Variants in STXBP2 observed in about 807,000 individuals in gnomAD.
STXBP2 encodes syntaxin binding protein 2.
A neutral mutation model predicts 72.2 loss-of-function variants in STXBP2; 47 were observed. The ratio of observed to expected loss-of-function variants is 0.65; its 90% CI spans 0.51 to 0.83. The LOEUF is 0.83. Among genes scored for constraint, STXBP2 ranks in the 40% least tolerant of loss-of-function variants. The probability of loss-of-function intolerance (pLI) is 0.00; values close to 1 mark genes in which losing one functional copy is unlikely to be tolerated. For missense variants in STXBP2, 702 were observed against 807.6 expected (o/e 0.87, Z 1.58); for synonymous variants, 367 against 338.7 (o/e 1.08, Z -0.92).
intron 1 of STXBP2, among the ~76,000 whole-genome samples, chr19:7,637,787 C>T (rs557209827): frequency 6.6e-6 from 1 of 152,232 alleles, no homozygotes; most frequent in Non-Finnish European, 1.5e-5. Context: ...GCTCCTTCCG[C>T]CCTGGCCGTC....
rs1599386198 is a variant in STXBP2 at position 7,637,179 on chromosome 19, G to C, written c.30G>C (p.Val10=). 3 of 1,243,326 alleles carry C rather than the reference G, an allele frequency of 2.4e-6. No individual in the cohort carries two copies. Among genetic ancestry groups the C allele is most frequent in the East Asian group, 3.2e-5 (1 of 31,690 alleles). 77.0% of individuals were successfully genotyped at this position (1,243,326 alleles called of 1,614,324 possible). ...CGCCCTCGGGGCTGAAGGCGGTGGT[G>C]GGGGAAAGTGAGTGCCTCTCCGGGG... MAPSGLKAV[V]GEKILSGVIR... The change falls in exon 1 of 19, where the codon GTG becomes GTC. Residue 10 remains valine (V), a synonymous_variant. Coordinates refer to ENST00000221283, the MANE Select transcript of STXBP2 (RefSeq NM_006949.4).
chr19:7,634,202 C>T (rs981848131), upstream of STXBP2, among the ~76,000 whole-genome samples: 2 of 152,202 alleles, frequency 1.3e-5, no homozygotes, highest in African/African-American at 4.8e-5. Flanking sequence ...GGGACAGAGG[C>T]AGGCGGGGAG....
intron 1 of STXBP2, 139 bp downstream of exon 1, chr19:7,637,325 G>T: frequency 2.6e-6 from 2 of 769,284 alleles, no homozygotes; most frequent in South Asian, 6.5e-5. Context: ...ACCCTCGAGG[G>T]GGCGGGCGGG....
Position 7,641,699 on chromosome 19 carries a change from G to T in STXBP2, c.430-6G>T. 3.2e-6 allele frequency: 5 copies of T among 1,552,612 alleles called. No homozygotes were observed. Among genetic ancestry groups the T allele is most frequent in the Non-Finnish European group, 3.5e-6 (4 of 1,148,398 alleles). On this transcript the variant is annotated splice_polypyrimidine_tract_variant and splice_region_variant and intron_variant, in intron 6 of 18. Coordinates refer to ENST00000221283, the MANE Select transcript of STXBP2 (RefSeq NM_006949.4). ...ACCCTGGTGCTTCTGTCCCCTCCTC[G>T]CCCAGGTGTTCTCCCTCGATGCTCC...
chr19:7,630,523 C>T, the STXBP2 span: 2 of 1,427,554 alleles, frequency 1.4e-6, no homozygotes, highest in East Asian at 2.5e-5. Flanking sequence ...TGAGGAGCCT[C>T]TGCACATTGC....
chr19:7,646,371 G>C (rs1599406683), intron 16 of STXBP2, 27 bp downstream of exon 16: 1 of 1,579,804 alleles, frequency 6.3e-7, no homozygotes, highest in South Asian at 1.1e-5. Flanking sequence ...CAGGGTGGGG[G>C]CCAGCCCTCC....
At chr19:7,631,678 G>A in the STXBP2 span, 20 of 1,463,922 alleles carry the variant, frequency 1.4e-5, no homozygotes, top group Non-Finnish European at 1.8e-5. Context: ...GACCCAGGAT[G>A]CCTCAGGCCC....
At chr19:7,631,141 G>T in the STXBP2 span, 2 of 886,086 alleles carry the variant, frequency 2.3e-6, no homozygotes, top group Non-Finnish European at 3.3e-6. Context: ...CCAGGAGGTG[G>T]AGGTTGCAGT....
At chr19:7,645,053 C>G (rs1019558875) in intron 14 of STXBP2, 144 bp from the exon 15 acceptor site, 1 of 1,448,930 alleles carries the variant, frequency 6.9e-7, no homozygotes, top group Non-Finnish European at 9.3e-7. Context: ...CACTCTTGCT[C>G]ACACTAGCAC....
the STXBP2 span, chr19:7,631,711 T>C: frequency 4.2e-5 from 61 of 1,447,768 alleles, no homozygotes; most frequent in Non-Finnish European, 5.1e-5. Context: ...TGTCGGGGGC[T>C]GGGGGCTGCT....
the STXBP2 span, chr19:7,631,865 G>A: frequency 7.3e-7 from 1 of 1,366,846 alleles, no homozygotes; most frequent in Non-Finnish European, 9.5e-7. Flanking sequence ...CCGGCCACAG[G>A]TGGCGAACAA....
chr19:7,647,566 G>A, intron 18 of STXBP2, 55 bp downstream of exon 18: 1 of 1,575,626 alleles, frequency 6.3e-7, no homozygotes, highest in Non-Finnish European at 8.6e-7. Flanking sequence ...CCGGGGCCTG[G>A]GCTTGTACCT....
chr19:7,641,909 C>T (rs2031899605), intron 7 of STXBP2, 56 bp downstream of exon 7: 1 of 1,539,004 alleles, frequency 6.5e-7, no homozygotes. Flanking sequence ...CCGCGTGCAA[C>T]ACCTAACCTT....
the STXBP2 span, chr19:7,630,082 G>A: frequency 3.1e-5 from 17 of 542,226 alleles, no homozygotes; most frequent in Non-Finnish European, 5.1e-5. Flanking sequence ...GAGAGGGCTG[G>A]TCCGAGGAAG....
intron 15 of STXBP2, chr19:7,645,886 C>T: frequency 2.6e-6 from 1 of 384,294 alleles, no homozygotes. Flanking sequence ...TGTCTTGCTC[C>T]CCTCCCCTCT....
upstream of STXBP2, chr19:7,633,063 G>A: frequency 7.3e-7 from 1 of 1,364,892 alleles, no homozygotes; most frequent in Non-Finnish European, 9.7e-7. Flanking sequence ...ACTTCACGTG[G>A]TACCGCTTCA....
At chr19:7,639,545 GCTGCACAACCC>G (rs930142900) in intron 3 of STXBP2, 175 bp from the exon 4 acceptor site, 9 of 650,714 alleles carry the variant, frequency 1.4e-5, no homozygotes, top group East Asian at 2.8e-5. Flanking sequence ...AACCCAGTTG[GCTGCACAACCC>G]CTGCAGAACC....
In STXBP2 at chr19:7,643,466, G is replaced by A. The variant is rs189970287; in HGVS notation, c.1107+221G>A. On this transcript the variant is annotated intron_variant, in intron 13 of 18. Transcript: ENST00000221283. ...GCCTGTGCATAGGTGGATGGGGCTT[G>A]GAGAGGTCAGACTTGGGTGAGGGGC... 3.2e-3 allele frequency among the ~76,000 whole-genome samples: 486 copies of A among 152,242 alleles called. 7 individuals are homozygous for A. The highest frequency in any genetic ancestry group is 0.027 in the Admixed American group (419 of 15,282).
the STXBP2 span, chr19:7,630,257 C>G: frequency 2.2e-6 from 1 of 456,694 alleles, no homozygotes; most frequent in South Asian, 3.0e-5. Context: ...GGGGTGCTCC[C>G]GGGATCTTAA....
Sources: gnomAD v4.1 joint callset for allele counts (sites outside exome capture counted in the v4.1 genomes callset) on GRCh38, gnomAD v4.1.1 for gene constraint, MANE v1.5 for transcripts, NCBI Gene and HGNC (gene_info 2026-07-23, HGNC 2026-07-21) for gene names.